VPS39: variants seen among roughly 807,000 people sequenced by gnomAD.
VPS39 encodes vam6/Vps39-like protein.
A neutral mutation model predicts 121.0 loss-of-function variants in VPS39; 70 were observed. That is an observed-to-expected ratio of 0.58 (90% confidence interval 0.48 to 0.71). VPS39 has a LOEUF of 0.71. Ranked by LOEUF, VPS39 falls within the 30% of genes least tolerant of loss-of-function variation. The probability of loss-of-function intolerance (pLI) is 0.00; values close to 1 mark genes in which losing one functional copy is unlikely to be tolerated. For synonymous variants in VPS39, 378 were observed against 398.1 expected, an observed-to-expected ratio of 0.95 and a Z score of 0.60; for missense variants, 818 against 1,051.5, an observed-to-expected ratio of 0.78 and a Z score of 3.07.
chr15:42,208,032 G>A (rs761067067), intron 1 of VPS39, 49 bp downstream of exon 1: 11 of 1,547,498 alleles, frequency 7.1e-6, no homozygotes, highest in Non-Finnish European at 8.7e-6. Context: ...AAAAGATCCG[G>A]ACCGCTCCTG....
In VPS39 at chr15:42,170,228, G is replaced by GAA. The variant is rs532084226; in HGVS notation, c.1091-364_1091-363dup. 1.0e-3 allele frequency among the ~76,000 whole-genome samples: 159 copies of GAA among 152,042 alleles called. 1 individual carries two copies. Among genetic ancestry groups the GAA allele is most frequent in the African/African-American group, 3.5e-3 (146 of 41,456 alleles). ...CAATAAAAAATTTAAGTCAAAAAAA[G>GAA]AAACATTACTAAAAAAAAAGACAAC... On this transcript the variant is annotated intron_variant, in intron 11 of 24. Transcript: ENST00000318006.
intron 11 of VPS39, 57 bp from the exon 12 acceptor site, chr15:42,169,923 A>C (rs1439986185): frequency 6.4e-7 from 1 of 1,559,804 alleles, no homozygotes; most frequent in African/African-American, 1.4e-5. Context: ...TTAGGGATAA[A>C]ATAAAACAGG....
At chr15:42,169,666 A>C (rs964788286) in intron 12 of VPS39, 58 bp downstream of exon 12, 50 of 1,513,256 alleles carry the variant, frequency 3.3e-5, no homozygotes, top group Non-Finnish European at 4.4e-5. Flanking sequence ...CTTGCCACAA[A>C]GAAACAAGTA....
chr15:42,171,783 CCT>C (rs2049352090), intron 11 of VPS39, among the ~76,000 whole-genome samples: 1 of 152,114 alleles, frequency 6.6e-6, no homozygotes, highest in African/African-American at 2.4e-5. Context: ...CCCCTGGGAA[CCT>C]CTCTATTTTA....
At chr15:42,191,735 C>G (rs1189128187) in intron 2 of VPS39, among the ~76,000 whole-genome samples, 175 bp from the exon 3 acceptor site, 1 of 152,166 alleles carries the variant, frequency 6.6e-6, no homozygotes, top group African/African-American at 2.4e-5. Flanking sequence ...AAGATGCTTT[C>G]AACTCTAATT....
chr15:42,175,912 G>A (rs2049442703), intron 10 of VPS39, among the ~76,000 whole-genome samples: 1 of 152,034 alleles, frequency 6.6e-6, no homozygotes, highest in South Asian at 2.1e-4. Flanking sequence ...CAACTCAAGT[G>A]TCCAGCCGTA....
intron 7 of VPS39, among the ~76,000 whole-genome samples, chr15:42,186,268 C>G (rs894035050): frequency 1.6e-5 from 2 of 126,228 alleles, no homozygotes; most frequent in Non-Finnish European, 3.1e-5. Flanking sequence ...CCCATCTCTA[C>G]AAAAATACAA....
intron 1 of VPS39, among the ~76,000 whole-genome samples, chr15:42,200,804 T>C (rs1411001438): frequency 1.3e-5 from 2 of 152,210 alleles, no homozygotes; most frequent in African/African-American, 4.8e-5. Flanking sequence ...ACAAACCAAA[T>C]GTCCACCAAC....
intron 1 of VPS39, among the ~76,000 whole-genome samples, chr15:42,201,041 TG>T: frequency 6.6e-6 from 1 of 152,132 alleles, no homozygotes; most frequent in Non-Finnish European, 1.5e-5. Context: ...CTGGTGGGCT[TG>T]GGGGAAAATA....
rs1206714473 is a variant in VPS39, at chr15:42,164,493, G to A, written c.1898-7C>T. 3 of 1,613,570 alleles carry A rather than the reference G, an allele frequency of 1.9e-6. No homozygotes were observed. Among genetic ancestry groups the A allele is most frequent in the Non-Finnish European group, 1.7e-6 (2 of 1,179,948 alleles). On this transcript the variant is annotated splice_polypyrimidine_tract_variant and splice_region_variant and intron_variant, in intron 18 of 24. Coordinates refer to ENST00000318006, the MANE Select transcript of VPS39 (RefSeq NM_015289.5). The stretch of plus-strand genomic sequence containing the variant: ...GCTGGGACTGGGGTTTTGCCTTTAA[G>A]GGAAACCAAGCTCAAAATGAAAGGA...
At chr15:42,191,964 T>A (rs758971310) in intron 2 of VPS39, 3 of 1,388,698 alleles carry the variant, frequency 2.2e-6, no homozygotes, top group Non-Finnish European at 3.0e-6. Context: ...CTAGACCAAC[T>A]AATTTCCAGC....
intron 1 of VPS39, 65 bp from the exon 2 acceptor site, chr15:42,200,026 G>T: frequency 6.8e-7 from 1 of 1,477,146 alleles, no homozygotes; most frequent in Non-Finnish European, 9.0e-7. Flanking sequence ...AGGTCAATCA[G>T]CTTGAGTATA....
At chr15:42,191,700 T>G (rs540996946) in intron 2 of VPS39, 140 bp from the exon 3 acceptor site, 1 of 729,856 alleles carries the variant, frequency 1.4e-6, no homozygotes, top group Non-Finnish European at 2.2e-6. Flanking sequence ...GAGATCTAAA[T>G]AGCCAGCTCT....
At chr15:42,173,532 C>G in intron 11 of VPS39, 191 bp downstream of exon 11, 1 of 571,638 alleles carries the variant, frequency 1.7e-6, no homozygotes, top group Non-Finnish European at 2.8e-6. Flanking sequence ...TTGAGAAGAC[C>G]AGATTCATAG....
chr15:42,194,411 T>G (rs1326006775), intron 2 of VPS39, among the ~76,000 whole-genome samples: 3 of 151,440 alleles, frequency 2.0e-5, no homozygotes, highest in Non-Finnish European at 4.4e-5. Flanking sequence ...GAGGGGGAGG[T>G]TGCAGTGAGC....
intron 8 of VPS39, among the ~76,000 whole-genome samples, chr15:42,181,614 C>G (rs2049582321): frequency 6.6e-6 from 1 of 151,908 alleles, no homozygotes; most frequent in South Asian, 2.1e-4. Context: ...AAGCAAACCA[C>G]TAGATGCATA....
At chr15:42,196,972 C>T (rs992123163) in intron 2 of VPS39, among the ~76,000 whole-genome samples, 4 of 151,914 alleles carry the variant, frequency 2.6e-5, no homozygotes, top group African/African-American at 4.8e-5. Context: ...GGCACATATA[C>T]ACCATGGAAT....
At chr15:42,197,148 G>A (rs1595681665) in intron 2 of VPS39, among the ~76,000 whole-genome samples, 1 of 137,880 alleles carries the variant, frequency 7.3e-6, no homozygotes, top group Non-Finnish European at 1.5e-5. Flanking sequence ...ACACAGGAAG[G>A]GGAACATCAC....
At chr15:42,165,856 G>T in intron 16 of VPS39, 40 bp from the exon 17 acceptor site, 1 of 1,570,648 alleles carries the variant, frequency 6.4e-7, no homozygotes, top group South Asian at 1.1e-5. Flanking sequence ...AGAACCATCT[G>T]ACTGCAGTTC....
Sources: gnomAD v4.1 joint callset for allele counts (sites outside exome capture counted in the v4.1 genomes callset) on GRCh38, gnomAD v4.1.1 for gene constraint, MANE v1.5 for transcripts, NCBI Gene and HGNC (gene_info 2026-07-23, HGNC 2026-07-21) for gene names.